Variants in LRRC52 observed in about 807,000 individuals in gnomAD.
LRRC52 encodes leucine rich repeat containing 52.
In LRRC52, 15 loss-of-function variants were observed where a neutral mutation model predicts 14.7. That is an observed-to-expected ratio of 1.02 (90% CI 0.68 to 1.58). LRRC52 has a LOEUF of 1.58. Among genes scored for constraint, LRRC52 ranks in the 40% most tolerant of loss-of-function variants. The probability of loss-of-function intolerance (pLI) is 0.00; values close to 1 mark genes in which losing one functional copy is unlikely to be tolerated. For synonymous variants in LRRC52, 180 were observed against 163.9 expected (o/e 1.10, Z -0.75); for missense variants, 400 against 387.7 (o/e 1.03, Z -0.27).
chr1:165,559,478 G>T (rs1374544962), intron 1 of LRRC52, among the ~76,000 whole-genome samples: 1 of 152,096 alleles, frequency 6.6e-6, no homozygotes, highest in Non-Finnish European at 1.5e-5. Flanking sequence ...AATAATTAGA[G>T]GAACTAGTAG....
chr1:165,544,726 T>G lies in LRRC52; in HGVS notation c.430T>G (p.Phe144Val). The G allele has an allele frequency of 6.2e-7, 1 of 1,613,990 alleles. No individual in the cohort carries two copies. The highest frequency in any genetic ancestry group is 8.5e-7 in the Non-Finnish European group (1 of 1,180,008). Residue 144 changes from phenylalanine to valine, a missense_variant, in exon 1 of 2, where the codon TTC becomes GTC. Transcript: ENST00000294818. ...CCCTCACCTGTTATCGCTTCACAAG[T>G]TCACCTTTGCCAACACCACCTCTTT... ...NNPHLLSLHK[F>V]TFANTTSLRY... is the part of the protein sequence containing the mutation.
intron 1 of LRRC52, among the ~76,000 whole-genome samples, chr1:165,555,108 T>A (rs1661206360): frequency 6.6e-6 from 1 of 152,148 alleles, no homozygotes. Context: ...TACATTCTAG[T>A]GGGAGAAGAA....
chr1:165,548,127 T>C (rs1661059640), intron 1 of LRRC52, among the ~76,000 whole-genome samples: 1 of 151,578 alleles, frequency 6.6e-6, no homozygotes, highest in Non-Finnish European at 1.5e-5. Context: ...TAACCTGAGT[T>C]ATCTGGTGTT....
At position 165,544,317 on chromosome 1, in the gene LRRC52, T is replaced by C. The variant is rs780329598; in HGVS notation, c.21T>C (p.Pro7=). ...TTACTATGTCCCTTGCTTCAGGCCC[T>C]GGCCCTGGGTGGTTACTCTTTTCCT... MSLASG[P]GPGWLLFSFG... Residue 7 remains proline, a synonymous_variant, in exon 1 of 2, where the codon CCT becomes CCC. Coordinates refer to ENST00000294818, the MANE Select transcript of LRRC52 (RefSeq NM_001005214.4). 4 of 1,582,238 alleles carry C rather than the reference T, an allele frequency of 2.5e-6. No homozygotes were observed. In the African/African-American group the frequency reaches 4.1e-5, roughly 16 times the overall value.
At chr1:165,552,394 C>A (rs890284814) in intron 1 of LRRC52, among the ~76,000 whole-genome samples, 18 of 152,270 alleles carry the variant, frequency 1.2e-4, no homozygotes, top group African/African-American at 4.3e-4. Context: ...GGTAATCCTA[C>A]AAAGGATGGA....
At chr1:165,551,988 A>AT (rs1051441576) in intron 1 of LRRC52, among the ~76,000 whole-genome samples, 9 of 151,178 alleles carry the variant, frequency 6.0e-5, no homozygotes, top group Non-Finnish European at 1.0e-4. Flanking sequence ...AGAAAAAAAA[A>AT]AAAAAAAGGC....
At chr1:165,563,366 AG>A (rs1661387875) in intron 1 of LRRC52, 138 bp from the exon 2 acceptor site, 1 of 688,466 alleles carries the variant, frequency 1.5e-6, no homozygotes, top group Non-Finnish European at 2.4e-6. Context: ...AACAAGGTCC[AG>A]GTGATGTCGA....
At chr1:165,558,740 T>C (rs964543187) in intron 1 of LRRC52, among the ~76,000 whole-genome samples, 2 of 152,124 alleles carry the variant, frequency 1.3e-5, no homozygotes, top group Non-Finnish European at 2.9e-5. Flanking sequence ...AAATAGATAC[T>C]AGGTATAAAT....
chr1:165,562,863 T>C (rs1422703845), intron 1 of LRRC52, among the ~76,000 whole-genome samples: 1 of 151,746 alleles, frequency 6.6e-6, no homozygotes, highest in African/African-American at 2.4e-5. Flanking sequence ...ATTGGCAACC[T>C]GTTTACCCTG....
intron 1 of LRRC52, among the ~76,000 whole-genome samples, chr1:165,562,690 T>C (rs933329899): frequency 8.5e-5 from 13 of 152,150 alleles, no homozygotes; most frequent in Non-Finnish European, 1.6e-4. Context: ...CCCACTTTTC[T>C]TTCTGTTATA....
At chr1:165,562,238 C>A (rs1661358410) in intron 1 of LRRC52, among the ~76,000 whole-genome samples, 2 of 152,204 alleles carry the variant, frequency 1.3e-5, no homozygotes, top group Non-Finnish European at 2.9e-5. Context: ...ATATTATGTG[C>A]ATCAAGGTTA....
At chr1:165,559,551 T>C (rs1216229858) in intron 1 of LRRC52, among the ~76,000 whole-genome samples, 2 of 152,122 alleles carry the variant, frequency 1.3e-5, no homozygotes, top group African/African-American at 4.8e-5. Flanking sequence ...AATAAGGGTA[T>C]AGAAAATCAG....
chr1:165,559,503 ATAAC>A (rs1430192646), intron 1 of LRRC52, among the ~76,000 whole-genome samples: 4 of 152,234 alleles, frequency 2.6e-5, no homozygotes, highest in African/African-American at 9.6e-5. Flanking sequence ...TTGTCTAATA[ATAAC>A]TAAGAGACAA....
At position 165,563,575 on chromosome 1, in the gene LRRC52, A is replaced by T; in HGVS notation, c.693A>T (p.Pro231=). ...GGCCCATCACCCGGGTGGGGAACCC[A>T]CTCCGATACATGTGCATCACGCACC... ...TGWPITRVGN[P]LRYMCITHLD... The change falls in exon 2 of 2, where the codon CCA becomes CCT. Residue 231 remains proline, a synonymous_variant. Coordinates refer to ENST00000294818, the MANE Select transcript of LRRC52 (RefSeq NM_001005214.4). 1.2e-6 allele frequency: 2 copies of T among 1,614,100 alleles called. No homozygotes were observed. The highest frequency in any genetic ancestry group is 1.7e-6 in the Non-Finnish European group (2 of 1,180,018).
chr1:165,558,584 T>C (rs1173818574), intron 1 of LRRC52, among the ~76,000 whole-genome samples: 2 of 152,160 alleles, frequency 1.3e-5, no homozygotes, highest in African/African-American at 4.8e-5. Context: ...GATCAGTAGA[T>C]GGGTATAAAA....
At chr1:165,548,979 A>G (rs1385632235) in intron 1 of LRRC52, among the ~76,000 whole-genome samples, 2 of 152,190 alleles carry the variant, frequency 1.3e-5, no homozygotes, top group African/African-American at 4.8e-5. Flanking sequence ...GACTATAGAG[A>G]TGCAGGCGGG....
intron 1 of LRRC52, among the ~76,000 whole-genome samples, chr1:165,549,625 G>A (rs1661090024): frequency 6.6e-6 from 1 of 152,172 alleles, no homozygotes; most frequent in South Asian, 2.1e-4. Flanking sequence ...GATTAATTCT[G>A]CAGCAGTGGA....
At chr1:165,557,074 A>G (rs574867667) in intron 1 of LRRC52, among the ~76,000 whole-genome samples, 1 of 152,366 alleles carries the variant, frequency 6.6e-6, no homozygotes, top group South Asian at 2.1e-4. Flanking sequence ...CACTAAGGAT[A>G]CAAGAGTACA....
At chr1:165,554,418 T>C (rs1661192367) in intron 1 of LRRC52, among the ~76,000 whole-genome samples, 1 of 108,996 alleles carries the variant, frequency 9.2e-6, no homozygotes, top group African/African-American at 2.9e-5. Context: ...CCATATGCAA[T>C]GATAGGTGGT....
Sources: gnomAD v4.1 joint callset for allele counts (sites outside exome capture counted in the v4.1 genomes callset) on GRCh38, gnomAD v4.1.1 for gene constraint, MANE v1.5 for transcripts, NCBI Gene and HGNC (gene_info 2026-07-23, HGNC 2026-07-21) for gene names.